Variants in CCDC85A observed in about 807,000 individuals in gnomAD.
The protein encoded by CCDC85A is coiled-coil domain containing 85A.
Under a neutral mutation model 50.2 loss-of-function variants are expected in CCDC85A, and 38 were observed. That is an observed-to-expected ratio of 0.76 (90% CI 0.58 to 0.99). The LOEUF (loss-of-function observed/expected upper bound fraction) is 0.99. Among genes scored for constraint, CCDC85A ranks in the 50% least tolerant of loss-of-function variants. The pLI, the probability that CCDC85A is intolerant of heterozygous loss-of-function variation, is 0.00. For synonymous variants in CCDC85A, 366 were observed against 301.4 expected (o/e 1.21, Z -2.22); for missense variants, 820 against 742.0 (o/e 1.11, Z -1.22).
intron 2 of CCDC85A, among the ~76,000 whole-genome samples, chr2:56,316,780 G>A (rs10167750): frequency 0.028 from 4,247 of 152,226 alleles, 179 homozygotes; most frequent in African/African-American, 0.096. Flanking sequence ...ATGTGTGACT[G>A]AAGATTCCCA....
intron 3 of CCDC85A, among the ~76,000 whole-genome samples, chr2:56,369,465 C>A (rs1418048960): frequency 2.0e-5 from 3 of 151,994 alleles, no homozygotes; most frequent in East Asian, 1.9e-4. Flanking sequence ...AGAATCTGAC[C>A]CCGAAAGTCC....
intron 2 of CCDC85A, among the ~76,000 whole-genome samples, chr2:56,212,311 A>T (rs57797764): frequency 1.7e-4 from 26 of 152,126 alleles, no homozygotes; most frequent in Non-Finnish European, 2.9e-4. Context: ...AGTAGAAGCC[A>T]TCTTTTGTCT....
chr2:56,297,226 C>T lies in CCDC85A; in HGVS notation c.1241-45653C>T, dbSNP rs116639233. Among the ~76,000 whole-genome samples the T allele has an allele frequency of 6.9e-3, 1,048 of 152,162 alleles. 9 individuals carry two copies. The highest frequency in any genetic ancestry group is 0.024 in the African/African-American group (987 of 41,518). ...GAGGAAATGAGAGGGAAGCCAAGAGCAAGGTTGCTTCTGTGAAATGGATTC... is the reference window on the plus strand; with the variant it reads ...GAGGAAATGAGAGGGAAGCCAAGAGTAAGGTTGCTTCTGTGAAATGGATTC... On this transcript the variant is annotated intron_variant, in intron 2 of 5. Transcript: ENST00000407595.
At chr2:56,285,020 A>G (rs1361144573) in intron 2 of CCDC85A, among the ~76,000 whole-genome samples, 3 of 152,026 alleles carry the variant, frequency 2.0e-5, no homozygotes, top group Non-Finnish European at 4.4e-5. Context: ...TTAAGACAGC[A>G]AAATGTTGGA....
intron 3 of CCDC85A, among the ~76,000 whole-genome samples, chr2:56,365,206 G>C (rs1323256882): frequency 6.6e-6 from 1 of 152,170 alleles, no homozygotes; most frequent in Non-Finnish European, 1.5e-5. Flanking sequence ...CGTCCACTGT[G>C]ACTCCACAGA....
intron 2 of CCDC85A, among the ~76,000 whole-genome samples, chr2:56,267,346 G>T (rs778799970): frequency 3.9e-5 from 6 of 152,036 alleles, no homozygotes; most frequent in South Asian, 2.1e-4. Context: ...TTCCCAACAC[G>T]ACTAGGATCT....
intron 2 of CCDC85A, among the ~76,000 whole-genome samples, chr2:56,230,658 A>G (rs1315583649): frequency 6.6e-6 from 1 of 152,212 alleles, no homozygotes; most frequent in East Asian, 1.9e-4. Context: ...GTGATCATCC[A>G]TTTAAAAAAA....
intron 2 of CCDC85A, among the ~76,000 whole-genome samples, chr2:56,230,600 T>A (rs936018644): frequency 6.6e-6 from 1 of 152,210 alleles, no homozygotes; most frequent in Non-Finnish European, 1.5e-5. Context: ...TGATCCTCCT[T>A]GTCACTGAGG....
chr2:56,315,006 G>T (rs1481995313), intron 2 of CCDC85A, among the ~76,000 whole-genome samples: 2 of 152,066 alleles, frequency 1.3e-5, no homozygotes, highest in African/African-American at 4.8e-5. Context: ...CCCCACATCT[G>T]CTTCTATTGC....
At position 56,192,394 on chromosome 2, in the gene CCDC85A, C is replaced by A. The variant is rs1309245122; in HGVS notation, c.277-83C>A. ...AACCTCACAGGTAATTCACCAGTTA[C>A]AGGCTCTCCCTTTCCAGGAAGTCTG... is the stretch of plus-strand genomic sequence containing the variant. On this transcript the variant is annotated intron_variant, in intron 1 of 5. Coordinates refer to ENST00000407595, the MANE Select transcript of CCDC85A (RefSeq NM_001080433.2). This position sits in a 1 kb window ranked among gnomAD's most constrained non-coding sequence, Gnocchi z 4.7. 2 of 1,521,726 alleles carry A rather than the reference C, an allele frequency of 1.3e-6. No individual in the cohort carries two copies. Among genetic ancestry groups the A allele is most frequent in the East Asian group, 4.5e-5 (2 of 44,056 alleles). The allele number at this position is 1,521,726 out of a possible 1,614,324, so 94.3% of individuals were successfully genotyped here.
At chr2:56,338,477 G>T (rs183226484) in intron 2 of CCDC85A, among the ~76,000 whole-genome samples, 2 of 152,192 alleles carry the variant, frequency 1.3e-5, no homozygotes, top group South Asian at 2.1e-4. Context: ...TACCCAAAAG[G>T]CTTCTTTCTT....
At chr2:56,238,922 A>G (rs548229363) in intron 2 of CCDC85A, among the ~76,000 whole-genome samples, 65 of 152,290 alleles carry the variant, frequency 4.3e-4, no homozygotes, top group African/African-American at 1.5e-3. Flanking sequence ...TAACTCCTTT[A>G]TATCTCTTTA....
chr2:56,324,252 G>T (rs1001501037), intron 2 of CCDC85A, among the ~76,000 whole-genome samples: 1 of 152,076 alleles, frequency 6.6e-6, no homozygotes, highest in African/African-American at 2.4e-5. Context: ...GCCAACAGAG[G>T]GGAGAAGGGT....
intron 2 of CCDC85A, among the ~76,000 whole-genome samples, chr2:56,318,704 C>A (rs1293859173): frequency 1.3e-5 from 2 of 152,028 alleles, no homozygotes; most frequent in Non-Finnish European, 2.9e-5. Context: ...ATTTTGTGTG[C>A]ACAGTAATTT....
chr2:56,366,852 T>G (rs1253932569), intron 3 of CCDC85A, among the ~76,000 whole-genome samples: 5 of 152,148 alleles, frequency 3.3e-5, no homozygotes, highest in Non-Finnish European at 5.9e-5. Context: ...CGCCTCCTGG[T>G]CCAGATTTCT....
intron 2 of CCDC85A, among the ~76,000 whole-genome samples, chr2:56,220,089 G>A (rs2103903586): frequency 6.6e-6 from 1 of 152,116 alleles, no homozygotes; most frequent in South Asian, 2.1e-4. Context: ...GGTCATTGGT[G>A]TAGAGGGAAC....
chr2:56,349,576 G>A (rs1362638635), intron 3 of CCDC85A, among the ~76,000 whole-genome samples: 1 of 152,140 alleles, frequency 6.6e-6, no homozygotes, highest in Non-Finnish European at 1.5e-5. Context: ...ACATTCTTCA[G>A]AGATTTCCTC....
At chr2:56,297,590 A>G (rs1377646703) in intron 2 of CCDC85A, among the ~76,000 whole-genome samples, 1 of 152,150 alleles carries the variant, frequency 6.6e-6, no homozygotes, top group Non-Finnish European at 1.5e-5. Context: ...GGGCCATGGA[A>G]AGCGGCCCCT....
At chr2:56,250,132 G>A (rs1669690781) in intron 2 of CCDC85A, among the ~76,000 whole-genome samples, 3 of 152,150 alleles carry the variant, frequency 2.0e-5, no homozygotes, top group Admixed American at 2.0e-4. Context: ...TGAAGGGCAT[G>A]GGAGGAGCAT....
Sources: gnomAD v4.1 joint callset for allele counts (sites outside exome capture counted in the v4.1 genomes callset) on GRCh38, gnomAD v4.1.1 for gene constraint, Gnocchi (gnomAD v3.1) non-coding constraint, MANE v1.5 for transcripts, NCBI Gene and HGNC (gene_info 2026-07-23, HGNC 2026-07-21) for gene names.